Variants in EIF4G3 observed in about 807,000 individuals in gnomAD.
The protein encoded by EIF4G3 is eukaryotic translation initiation factor 4 gamma 3, also known as eIF-4-gamma 3.
Under a neutral mutation model 186.4 loss-of-function variants are expected in EIF4G3, and 34 were observed. The observed-to-expected ratio is 0.18, with a 90% CI of 0.14 to 0.24. EIF4G3 has a LOEUF of 0.24. Among genes scored for constraint, EIF4G3 ranks in the 10% least tolerant of loss-of-function variants. The probability of loss-of-function intolerance (pLI) is 1.00; values close to 1 mark genes in which losing one functional copy is unlikely to be tolerated. For synonymous variants in EIF4G3, 673 were observed against 679.5 expected (o/e 0.99, Z 0.15); for missense variants, 1,536 against 1,948.5 (o/e 0.79, Z 3.99).
chr1:21,017,260 T>A (rs997666443), intron 4 of EIF4G3, among the ~76,000 whole-genome samples: 2 of 152,074 alleles, frequency 1.3e-5, no homozygotes, highest in African/African-American at 4.8e-5. Flanking sequence ...ACCGACACCA[T>A]GGCAAATCAC....
At chr1:21,151,998 T>C (rs77677567) in intron 2 of EIF4G3, among the ~76,000 whole-genome samples, 4,393 of 152,154 alleles carry the variant, frequency 0.029, 132 homozygotes, top group East Asian at 0.14. Context: ...ACCAATTCCA[T>C]GAGGTAAGAC....
chr1:21,120,720 T>C (rs2102349359), intron 2 of EIF4G3, among the ~76,000 whole-genome samples: 1 of 152,026 alleles, frequency 6.6e-6, no homozygotes, highest in African/African-American at 2.4e-5. Flanking sequence ...TAAATATGCA[T>C]ATCCCAATTG....
At chr1:20,852,741 C>T (rs756430231) in intron 27 of EIF4G3, among the ~76,000 whole-genome samples, 5 of 152,172 alleles carry the variant, frequency 3.3e-5, no homozygotes, top group Non-Finnish European at 5.9e-5. Flanking sequence ...ACATTTATGA[C>T]AGGGCAAAGC....
chr1:20,904,827 A>G, intron 15 of EIF4G3, 56 bp downstream of exon 15: 1 of 1,354,866 alleles, frequency 7.4e-7, no homozygotes, highest in Non-Finnish European at 1.1e-6. Context: ...ATAAACACAT[A>G]CCTGTCTATG....
At chr1:20,817,181 C>T (rs2061223463) in intron 34 of EIF4G3, among the ~76,000 whole-genome samples, 1 of 140,606 alleles carries the variant, frequency 7.1e-6, no homozygotes, top group African/African-American at 2.6e-5. Context: ...CTTCCCTCCA[C>T]TATTGTCCTG....
intron 2 of EIF4G3, among the ~76,000 whole-genome samples, chr1:21,135,917 C>A (rs551573738): frequency 1.3e-5 from 2 of 152,226 alleles, no homozygotes; most frequent in African/African-American, 4.8e-5. Context: ...GGCGCGGTGG[C>A]TCACGCCTGT....
chr1:20,912,645 T>C (rs1288963956), intron 14 of EIF4G3, among the ~76,000 whole-genome samples: 1 of 152,216 alleles, frequency 6.6e-6, no homozygotes, highest in African/African-American at 2.4e-5. Flanking sequence ...TAGAATGTTC[T>C]AATAATGGAA....
chr1:20,943,363 C>T (rs550042424), intron 13 of EIF4G3, among the ~76,000 whole-genome samples: 10 of 151,824 alleles, frequency 6.6e-5, no homozygotes, highest in Non-Finnish European at 1.2e-4. Flanking sequence ...GAGAATGAGA[C>T]GGAGAGAGAA....
rs186656335 is a variant in EIF4G3, at chr1:20,859,829, T to C, written c.3244+556A>G. Among the ~76,000 whole-genome samples the C allele has an allele frequency of 2.2e-3, 339 of 152,268 alleles. 3 individuals carry two copies. The highest frequency in any genetic ancestry group is 7.1e-3 in the African/African-American group (293 of 41,554). The stretch of plus-strand genomic sequence containing the variant: ...GCTGGTCTCAAACTCCTGACCTCAA[T>C]TGATCCACCCACCTCAGCCTCCCGA... On this transcript the variant is annotated intron_variant, in intron 24 of 36. Transcript: ENST00000602326.
intron 2 of EIF4G3, among the ~76,000 whole-genome samples, chr1:21,135,970 T>C (rs1307917300): frequency 1.3e-5 from 2 of 150,338 alleles, no homozygotes; most frequent in Admixed American, 6.7e-5. Context: ...GATCATGAGG[T>C]CAGGAGATCG....
At chr1:21,020,595 CA>C (rs2090450171) in intron 4 of EIF4G3, among the ~76,000 whole-genome samples, 1 of 152,210 alleles carries the variant, frequency 6.6e-6, no homozygotes, top group South Asian at 2.1e-4. Flanking sequence ...TACTGGAATA[CA>C]TTTCAAACGA....
At chr1:21,103,976 A>T (rs151272068) in intron 2 of EIF4G3, among the ~76,000 whole-genome samples, 7 of 152,296 alleles carry the variant, frequency 4.6e-5, no homozygotes, top group Non-Finnish European at 7.4e-5. Flanking sequence ...TTCCATTTCT[A>T]ACGTTATCCC....
At chr1:21,126,470 G>A (rs1042929972) in intron 2 of EIF4G3, among the ~76,000 whole-genome samples, 7 of 152,004 alleles carry the variant, frequency 4.6e-5, no homozygotes, top group African/African-American at 1.7e-4. Flanking sequence ...AGATCAGCCT[G>A]GGCAACACAG....
At chr1:21,056,015 A>C (rs1335524646) in intron 3 of EIF4G3, among the ~76,000 whole-genome samples, 1 of 152,148 alleles carries the variant, frequency 6.6e-6, no homozygotes, top group Admixed American at 6.5e-5. Flanking sequence ...TAAAACACAA[A>C]TGTTTGAGAG....
At chr1:20,849,325 C>T (rs2072462831) in intron 29 of EIF4G3, 90 bp downstream of exon 29, 5 of 629,456 alleles carry the variant, frequency 7.9e-6, no homozygotes, top group Non-Finnish European at 1.0e-5. Context: ...CTTATCAGTT[C>T]ACAATGACAC....
chr1:21,160,929 G>C (rs960069582), intron 2 of EIF4G3, among the ~76,000 whole-genome samples: 3 of 152,182 alleles, frequency 2.0e-5, no homozygotes, highest in African/African-American at 7.2e-5. Context: ...CCAACATTTT[G>C]GGAGGCAAAG....
intron 20 of EIF4G3, among the ~76,000 whole-genome samples, chr1:20,876,774 G>A (rs1190526065): frequency 6.6e-6 from 1 of 152,122 alleles, no homozygotes; most frequent in Non-Finnish European, 1.5e-5. Flanking sequence ...GGCGGGAAGA[G>A]CACTTGAGCC....
intron 2 of EIF4G3, among the ~76,000 whole-genome samples, chr1:21,105,280 A>C (rs991011373): frequency 6.6e-6 from 1 of 152,166 alleles, no homozygotes. Flanking sequence ...AAATACAAAA[A>C]TTAGCCATAG....
chr1:20,921,266 G>A (rs2094476532), intron 14 of EIF4G3, among the ~76,000 whole-genome samples: 1 of 152,170 alleles, frequency 6.6e-6, no homozygotes, highest in East Asian at 1.9e-4. Flanking sequence ...CAATTTTGAT[G>A]TAGAATTTAA....
Sources: gnomAD v4.1 joint callset for allele counts (sites outside exome capture counted in the v4.1 genomes callset) on GRCh38, gnomAD v4.1.1 for gene constraint, MANE v1.5 for transcripts, NCBI Gene and HGNC (gene_info 2026-07-23, HGNC 2026-07-21) for gene names.